IGDCC3: variants seen among roughly 807,000 people sequenced by gnomAD.
The protein encoded by IGDCC3 is immunoglobulin superfamily DCC subclass member 3.
A neutral mutation model predicts 72.0 loss-of-function variants in IGDCC3; 47 were observed. The observed-to-expected ratio is 0.65, with a 90% confidence interval of 0.52 to 0.83. The LOEUF (loss-of-function observed/expected upper bound fraction) is 0.83. Among genes scored for constraint, IGDCC3 ranks in the 40% least tolerant of loss-of-function variants. The probability of loss-of-function intolerance (pLI) is 0.00; values close to 1 mark genes in which losing one functional copy is unlikely to be tolerated. For synonymous variants in IGDCC3, 477 were observed against 472.8 expected, an observed-to-expected ratio of 1.01 and a Z score of -0.11; for missense variants, 1,038 against 1,091.3, an observed-to-expected ratio of 0.95 and a Z score of 0.69.
At chr15:65,333,199 G>C in intron 6 of IGDCC3, 58 bp downstream of exon 6, 1 of 1,482,346 alleles carries the variant, frequency 6.7e-7, no homozygotes, top group South Asian at 1.4e-5. Flanking sequence ...GCCTGGGCTG[G>C]GAGGAAGGGA....
rs147534320 is a variant in IGDCC3, at chr15:65,355,003, C to T, written c.410-19047G>A. Among the ~76,000 whole-genome samples, 19 of 152,340 alleles carry T rather than the reference C, an allele frequency of 1.2e-4. 1 individual carries two copies. The East Asian group carries it at 3.7e-3, about 29-fold the overall frequency. On this transcript the variant is annotated intron_variant, in intron 2 of 13. Coordinates refer to ENST00000327987, the MANE Select transcript of IGDCC3 (RefSeq NM_004884.4). The stretch of plus-strand genomic sequence containing the variant: ...TAAAGCTCTGGAAGTGACCCTAGGA[C>T]TGGGACACCCTGGCCTGGCAAGTTC...
In IGDCC3 at chr15:65,329,405, C is replaced by T. The variant is rs768456567; in HGVS notation, c.2190G>A (p.Pro730=). 2.3e-5 allele frequency: 36 copies of T among 1,588,384 alleles called. No homozygotes were observed. Among genetic ancestry groups the T allele is most frequent in the African/African-American group, 1.6e-4 (12 of 73,350 alleles). The change falls in exon 13 of 14, where the codon CCG becomes CCA. Residue 730 remains proline, a synonymous_variant. Transcript: ENST00000327987. This position sits in a 1 kb window ranked among gnomAD's most constrained non-coding sequence, Gnocchi z 4.1. ...GGGCACTCACTGTGGGTCTGGGGTCCGGCTGCCCTGCTGCGCTGGCCGGGG... is the reference window on the plus strand; with the variant it reads ...GGGCACTCACTGTGGGTCTGGGGTCTGGCTGCCCTGCTGCGCTGGCCGGGG... ...LFPPASAAGQ[P]DPRPTQDPAA...
intron 2 of IGDCC3, among the ~76,000 whole-genome samples, chr15:65,371,182 G>A (rs1389868931): frequency 6.6e-6 from 1 of 152,258 alleles, no homozygotes. Context: ...GCAATACTGA[G>A]CACCAACAAT....
At chr15:65,355,896 C>T (rs1366921089) in intron 2 of IGDCC3, 4 of 309,566 alleles carry the variant, frequency 1.3e-5, no homozygotes, top group Non-Finnish European at 2.8e-5. Context: ...CTGGGCCCGG[C>T]CCCGGCGCAC....
intron 2 of IGDCC3, among the ~76,000 whole-genome samples, chr15:65,369,317 A>G (rs1477902624): frequency 6.6e-6 from 1 of 152,164 alleles, no homozygotes; most frequent in Non-Finnish European, 1.5e-5. Context: ...TTATAATCAG[A>G]AAAGCAAGGC....
intron 2 of IGDCC3, among the ~76,000 whole-genome samples, chr15:65,346,517 C>T (rs935975533): frequency 6.6e-6 from 1 of 151,456 alleles, no homozygotes; most frequent in Non-Finnish European, 1.5e-5. Flanking sequence ...AGTGCAATGG[C>T]GCGATCTCGG....
intron 2 of IGDCC3, among the ~76,000 whole-genome samples, chr15:65,370,639 TATATATATAA>T (rs909713646): frequency 2.1e-5 from 3 of 145,516 alleles, no homozygotes; most frequent in African/African-American, 7.5e-5. Context: ...TATATATATA[TATATATATAA>T]AATTAGTACC....
At chr15:65,368,294 G>A (rs892019325) in intron 2 of IGDCC3, among the ~76,000 whole-genome samples, 2 of 151,918 alleles carry the variant, frequency 1.3e-5, no homozygotes, top group African/African-American at 4.8e-5. Context: ...GGGTGGGGAG[G>A]GGACAGAGGG....
chr15:65,340,558 A>T (rs1297224915), intron 2 of IGDCC3, among the ~76,000 whole-genome samples: 1 of 152,044 alleles, frequency 6.6e-6, no homozygotes, highest in Middle Eastern at 3.2e-3. Context: ...CCCTCCTTGT[A>T]TCTATCCCTG....
chr15:65,341,421 T>A (rs570119285), intron 2 of IGDCC3, among the ~76,000 whole-genome samples: 1 of 152,322 alleles, frequency 6.6e-6, no homozygotes, highest in South Asian at 2.1e-4. Context: ...AACAGATATT[T>A]GATAATGTCT....
rs139839494 is a variant in IGDCC3, at chr15:65,329,142, G to A, written c.2212C>T (p.Pro738Ser). 1,370 of 1,605,396 alleles carry A rather than the reference G, an allele frequency of 8.5e-4. 14 individuals carry two copies. In the African/African-American group the frequency reaches 0.015, roughly 18 times the overall value. ...GQPDPRPTQD[P>S]AAPAPCEETQ... ...TCCTCACACGGAGCGGGGGCTGCAG[G>A]ATCCTGCTGGGGAAAGAGCCCGTCA... Residue 738 changes from proline to serine, a missense_variant, in exon 14 of 14, where the codon CCT (proline) becomes TCT (serine). By Grantham distance (74) the Pro-to-Ser change is moderately conservative. Transcript: ENST00000327987. The surrounding 1 kb of genome is among the most constrained non-coding windows in gnomAD (Gnocchi z 4.1).
chr15:65,361,365 C>A (rs2091259872), intron 2 of IGDCC3, among the ~76,000 whole-genome samples: 2 of 151,696 alleles, frequency 1.3e-5, no homozygotes. Context: ...TTGTTTGGGC[C>A]CCAGAGGTTG....
intron 2 of IGDCC3, among the ~76,000 whole-genome samples, chr15:65,366,586 C>T (rs1361374649): frequency 6.6e-6 from 1 of 152,114 alleles, no homozygotes; most frequent in East Asian, 1.9e-4. Context: ...GACATCAAGA[C>T]CCAGAGAAGA....
intron 6 of IGDCC3, 52 bp downstream of exon 6, chr15:65,333,205 A>G: frequency 6.7e-7 from 1 of 1,497,134 alleles, no homozygotes; most frequent in Non-Finnish European, 8.9e-7. Context: ...GCTGGGAGGA[A>G]GGGACTGTGC....
rs570945483 is a variant in IGDCC3, at chr15:65,331,407, C to T, written c.1396+5G>A. 17 of 1,596,766 alleles carry T rather than the reference C, an allele frequency of 1.1e-5. No homozygotes were observed. Among genetic ancestry groups the T allele is most frequent in the African/African-American group, 2.7e-5 (2 of 74,754 alleles). ...GGAAGGGGCAACAGAGCTGGCCACG[C>T]GCACCAGCAGCCTTCCTGATGTGCA... On this transcript the variant is annotated splice_donor_5th_base_variant and intron_variant, in intron 8 of 13. Transcript: ENST00000327987.
intron 2 of IGDCC3, among the ~76,000 whole-genome samples, chr15:65,337,859 C>T (rs2091045033): frequency 6.6e-6 from 1 of 152,166 alleles, no homozygotes; most frequent in Non-Finnish European, 1.5e-5. Flanking sequence ...GTTCCCAGTC[C>T]CCCAGGGACC....
chr15:65,354,856 T>TG (rs2091202906), intron 2 of IGDCC3, among the ~76,000 whole-genome samples: 1 of 152,166 alleles, frequency 6.6e-6, no homozygotes, highest in African/African-American at 2.4e-5. Flanking sequence ...CCCCTGGCTC[T>TG]CAAACTCGGC....
At chr15:65,355,567 C>G (rs1454261799) in intron 2 of IGDCC3, among the ~76,000 whole-genome samples, 2 of 149,582 alleles carry the variant, frequency 1.3e-5, no homozygotes, top group Non-Finnish European at 3.0e-5. Context: ...AGGCGGGGGC[C>G]GGTTCCCACA....
intron 2 of IGDCC3, among the ~76,000 whole-genome samples, chr15:65,355,500 C>T (rs1336967446): frequency 6.6e-6 from 1 of 150,504 alleles, no homozygotes; most frequent in African/African-American, 2.4e-5. Flanking sequence ...GCAGGGGCGG[C>T]GGGCGAGGGC....
Sources: allele counts gnomAD v4.1 joint callset (sites outside exome capture counted in the v4.1 genomes callset), GRCh38; gene constraint gnomAD v4.1.1; non-coding constraint Gnocchi (gnomAD v3.1); transcripts MANE v1.5; gene names NCBI Gene and HGNC (gene_info 2026-07-23, HGNC 2026-07-21).